Variants in THSD7B observed in about 807,000 individuals in gnomAD.
THSD7B encodes the protein thrombospondin type-1 domain-containing protein 7B.
THSD7B carries 138 observed loss-of-function variants against 213.6 expected under a neutral mutation model. The ratio of observed to expected loss-of-function variants is 0.65; its 90% CI spans 0.56 to 0.74. The LOEUF (loss-of-function observed/expected upper bound fraction) is 0.74, where lower values mean the gene tolerates loss of function less well. Ranked by LOEUF, THSD7B falls within the 30% of genes least tolerant of loss-of-function variation. THSD7B has a pLI of 0.00. For synonymous variants in THSD7B, 742 were observed against 687.0 expected (o/e 1.08, Z -1.25); for missense variants, 1,931 against 1,991.5 (o/e 0.97, Z 0.58).
intron 14 of THSD7B, among the ~76,000 whole-genome samples, chr2:137,440,066 G>A (rs762538910): frequency 6.6e-6 from 1 of 152,020 alleles, no homozygotes; most frequent in Non-Finnish European, 1.5e-5. Context: ...GATGTCTCTT[G>A]TTGCCACCTT....
intron 6 of THSD7B, among the ~76,000 whole-genome samples, chr2:137,169,501 G>A (rs897277213): frequency 3.3e-5 from 5 of 151,918 alleles, no homozygotes; most frequent in Non-Finnish European, 5.9e-5. Flanking sequence ...CTCCCCTTGT[G>A]GGAAGAGTGG....
intron 1 of THSD7B, among the ~76,000 whole-genome samples, chr2:136,783,541 G>A (rs892201167): frequency 6.6e-6 from 1 of 152,140 alleles, no homozygotes; most frequent in Non-Finnish European, 1.5e-5. Flanking sequence ...GCCCAGAACT[G>A]GAGCCACCAA....
At chr2:137,242,422 A>T in intron 9 of THSD7B, 35 bp from the exon 10 acceptor site, 1 of 1,537,994 alleles carries the variant, frequency 6.5e-7, no homozygotes, top group Non-Finnish European at 9.0e-7. Context: ...TTAGTCTCTC[A>T]AAAAGGCATT....
intron 1 of THSD7B, among the ~76,000 whole-genome samples, chr2:136,793,935 A>G (rs1035945225): frequency 6.6e-6 from 1 of 151,628 alleles, no homozygotes; most frequent in African/African-American, 2.4e-5. Flanking sequence ...TATAGATACA[A>G]ATTTTCATTG....
chr2:137,434,866 G>C (rs1687259550), intron 14 of THSD7B, among the ~76,000 whole-genome samples: 1 of 152,098 alleles, frequency 6.6e-6, no homozygotes, highest in Non-Finnish European at 1.5e-5. Context: ...TTGCCTTAAA[G>C]CCTATAATTA....
chr2:137,195,609 A>G (rs555141562), intron 7 of THSD7B, among the ~76,000 whole-genome samples: 20 of 151,968 alleles, frequency 1.3e-4, no homozygotes, highest in Non-Finnish European at 2.5e-4. Flanking sequence ...TTTAACTGTT[A>G]TAACTATTAA....
chr2:137,326,527 A>G lies in THSD7B; in HGVS notation c.2500+50501A>G, dbSNP rs181692147. On this transcript the variant is annotated intron_variant, in intron 12 of 27. Coordinates refer to ENST00000409968, the MANE Select transcript of THSD7B (RefSeq NM_001316349.2). ...TTATACAAAGCCACTTAGATTCCTAAAAGTGGTAGGCTGAATAATTGACAG... is the reference window on the plus strand; with the variant it reads ...TTATACAAAGCCACTTAGATTCCTAGAAGTGGTAGGCTGAATAATTGACAG... Among the ~76,000 whole-genome samples the G allele has an allele frequency of 2.2e-3, 341 of 152,310 alleles. 2 individuals are homozygous for G. The highest frequency in any genetic ancestry group is 0.02 in the Middle Eastern group (6 of 294).
intron 12 of THSD7B, among the ~76,000 whole-genome samples, chr2:137,280,028 CTA>C (rs1294060785): frequency 2.0e-5 from 3 of 152,084 alleles, no homozygotes; most frequent in Non-Finnish European, 2.9e-5. Flanking sequence ...CTATCCAATG[CTA>C]TGTTTTAGAA....
At chr2:137,574,218 G>A (rs566072400) in intron 17 of THSD7B, among the ~76,000 whole-genome samples, 7 of 152,124 alleles carry the variant, frequency 4.6e-5, no homozygotes, top group South Asian at 2.1e-4. Flanking sequence ...TTGTAAGAAC[G>A]TTTTACACAA....
intron 12 of THSD7B, among the ~76,000 whole-genome samples, chr2:137,360,646 G>A (rs1441255491): frequency 6.6e-6 from 1 of 152,166 alleles, no homozygotes; most frequent in African/African-American, 2.4e-5. Context: ...CGGCAAGCCT[G>A]GCTAGGGGAG....
chr2:136,807,508 C>CTTTTTTTTTTTTTTTTTTTTTTT (rs1314267493), intron 1 of THSD7B, among the ~76,000 whole-genome samples: 3 of 49,586 alleles, frequency 6.1e-5, no homozygotes, highest in African/African-American at 2.5e-4. Context: ...CAAAATGTTT[C>CTTTTTTTTTTTTTTTTTTTTTTT]GTTTTTTTTT....
intron 2 of THSD7B, among the ~76,000 whole-genome samples, chr2:136,961,626 T>C (rs997526328): frequency 1.3e-5 from 2 of 152,106 alleles, no homozygotes; most frequent in Admixed American, 1.3e-4. Context: ...CATATGCATG[T>C]CCAACTGGAA....
intron 15 of THSD7B, among the ~76,000 whole-genome samples, chr2:137,457,511 A>G (rs1398186093): frequency 6.6e-6 from 1 of 152,184 alleles, no homozygotes; most frequent in Non-Finnish European, 1.5e-5. Flanking sequence ...CACATCTCAT[A>G]TTATCCCTAA....
At chr2:137,371,810 AAAT>A (rs1355376595) in intron 12 of THSD7B, among the ~76,000 whole-genome samples, 1 of 152,084 alleles carries the variant, frequency 6.6e-6, no homozygotes, top group Non-Finnish European at 1.5e-5. Flanking sequence ...TTTACTTGCT[AAAT>A]ATTCTTTTCT....
At chr2:136,969,152 T>C (rs1685367349) in intron 2 of THSD7B, among the ~76,000 whole-genome samples, 1 of 152,200 alleles carries the variant, frequency 6.6e-6, no homozygotes, top group South Asian at 2.1e-4. Context: ...TGTCTTAGAC[T>C]TCTTGGATTT....
In THSD7B at chr2:137,656,800, C is replaced by T; in HGVS notation, c.4110C>T (p.Asp1370=). Residue 1370 remains aspartate (D), a synonymous_variant, in exon 23 of 28, where the codon GAC becomes GAT. Transcript: ENST00000409968. ...KQLCSVPCPG[D]CHLTEWSEWS... ...CTGTACTGCATGACTGTCCAGGAGA[C>T]TGCCATTTAACAGAATGGTCAGAGT... 6.2e-7 allele frequency: 1 copy of T among 1,613,606 alleles called. No homozygotes were observed. The highest frequency in any genetic ancestry group is 8.5e-7 in the Non-Finnish European group (1 of 1,179,662).
intron 7 of THSD7B, among the ~76,000 whole-genome samples, chr2:137,185,349 C>T (rs1048931169): frequency 6.6e-6 from 1 of 151,938 alleles, no homozygotes; most frequent in Non-Finnish European, 1.5e-5. Flanking sequence ...TTGAATCCAT[C>T]ACCCAAGAAA....
At chr2:136,972,812 G>A (rs1258093086) in intron 2 of THSD7B, among the ~76,000 whole-genome samples, 1 of 152,112 alleles carries the variant, frequency 6.6e-6, no homozygotes, top group Non-Finnish European at 1.5e-5. Context: ...TGCTTGGACT[G>A]TACCCCAAAC....
At chr2:137,357,609 G>A (rs113665343) in intron 12 of THSD7B, among the ~76,000 whole-genome samples, 56 of 152,200 alleles carry the variant, frequency 3.7e-4, no homozygotes, top group Middle Eastern at 6.8e-3. Flanking sequence ...CTGGACATAC[G>A]TTAAGTAAAA....
Sources: allele counts gnomAD v4.1 joint callset (sites outside exome capture counted in the v4.1 genomes callset), GRCh38; gene constraint gnomAD v4.1.1; transcripts MANE v1.5; gene names NCBI Gene and HGNC (gene_info 2026-07-23, HGNC 2026-07-21).